LPA: variants seen among roughly 807,000 people sequenced by gnomAD.
LPA encodes lipoprotein(a), also known as apolipoprotein(a).
In LPA, 199 loss-of-function variants were observed where a neutral mutation model predicts 197.9. The ratio of observed to expected loss-of-function variants is 1.01; its 90% confidence interval spans 0.90 to 1.13. LPA has a LOEUF of 1.13. Ranked by LOEUF, LPA falls within the 50% of genes most tolerant of loss-of-function variation. LPA has a pLI of 0.00. For synonymous variants in LPA, 715 were observed against 639.5 expected (o/e 1.12, Z -1.78); for missense variants, 1,853 against 1,785.8 (o/e 1.04, Z -0.68).
chr6:160,611,619 G>A lies in LPA; in HGVS notation c.2546C>T (p.Ala849Val), dbSNP rs200407077. 2.5e-4 allele frequency: 399 copies of A among 1,597,698 alleles called. 6 individuals are homozygous for A. The highest frequency in any genetic ancestry group is 3.2e-4 in the Non-Finnish European group (379 of 1,176,732). The change falls in exon 16 of 39, where the codon GCT becomes GTT. Residue 849 changes from alanine (A) to valine (V), a missense_variant. Around this residue, in one of 3 missense-constraint regions of LPA, gnomAD observed 1,737 missense variants for 1,504.4 expected, o/e 1.15. Transcript: ENST00000316300. ...STTVTGRTCQ[A>V]WSSMTPHSHS... ...CGAGTGTGGTGTCATAGATGACCAA[G>A]CTTGGCAGGTTCTTCCAGTGACAGT...
chr6:160,607,667 G>A lies in LPA; in HGVS notation c.2604-1009C>T, dbSNP rs187463812. 2.0e-5 allele frequency among the ~76,000 whole-genome samples: 3 copies of A among 151,614 alleles called. 1 individual carries two copies. Among genetic ancestry groups the A allele is most frequent in the Admixed American group, 2.0e-4 (3 of 15,230 alleles). On this transcript the variant is annotated intron_variant, in intron 16 of 38. Transcript: ENST00000316300. ...GTGGCTGCCTGAGAAAATGGGAAAT[G>A]TATTACGGGCCATGGGGATGAAACA...
chr6:160,650,570 C>G (rs972936128), intron 1 of LPA, 73 bp from the exon 2 acceptor site: 1 of 1,470,958 alleles, frequency 6.8e-7, no homozygotes, highest in Non-Finnish European at 9.5e-7. Flanking sequence ...ATTTATGACA[C>G]AAACAGGAAA....
At chr6:160,542,998 C>A (rs1488178786) in intron 33 of LPA, among the ~76,000 whole-genome samples, 190 bp from the exon 34 acceptor site, 1 of 152,184 alleles carries the variant, frequency 6.6e-6, no homozygotes, top group Non-Finnish European at 1.5e-5. Flanking sequence ...AGGACACTCT[C>A]CTTTCAAGGA....
intron 7 of LPA, 114 bp from the exon 8 acceptor site, chr6:160,634,026 C>T: frequency 6.8e-7 from 1 of 1,470,664 alleles, no homozygotes; most frequent in Non-Finnish European, 9.3e-7. Context: ...GTTATCTTTC[C>T]CTTACCTGTA....
At chr6:160,537,242 A>C (rs1270075002) in intron 37 of LPA, among the ~76,000 whole-genome samples, 1 of 152,186 alleles carries the variant, frequency 6.6e-6, no homozygotes, top group Non-Finnish European at 1.5e-5. Context: ...ATGCACAAAA[A>C]TATTCCCTCT....
chr6:160,648,656 A>G (rs1779949317), intron 2 of LPA, among the ~76,000 whole-genome samples: 1 of 151,288 alleles, frequency 6.6e-6, no homozygotes, highest in African/African-American at 2.4e-5. Context: ...CTATGCAATT[A>G]TTTTTCATTT....
At chr6:160,576,965 A>G (rs1016739814) in intron 28 of LPA, among the ~76,000 whole-genome samples, 171 bp downstream of exon 28, 2 of 152,114 alleles carry the variant, frequency 1.3e-5, no homozygotes, top group African/African-American at 2.4e-5. Context: ...TAGCAGGCCT[A>G]AAATTTCTCT....
chr6:160,609,217 A>C (rs1200493426), intron 16 of LPA, among the ~76,000 whole-genome samples: 4 of 151,978 alleles, frequency 2.6e-5, no homozygotes, highest in East Asian at 3.9e-4. Flanking sequence ...AAAGTCTTAC[A>C]CTTTCCAGTT....
intron 18 of LPA, among the ~76,000 whole-genome samples, chr6:160,602,731 A>G (rs1407964238): frequency 6.6e-6 from 1 of 152,238 alleles, no homozygotes; most frequent in African/African-American, 2.4e-5. Context: ...ATATGCATTT[A>G]TCCAACATGG....
intron 2 of LPA, among the ~76,000 whole-genome samples, chr6:160,646,854 C>G (rs1195142777): frequency 1.3e-5 from 2 of 150,862 alleles, no homozygotes; most frequent in Non-Finnish European, 2.9e-5. Context: ...TTGCAACGAA[C>G]ATGTAGTTCT....
At chr6:160,589,480 C>T (rs551602116) in intron 24 of LPA, 73 bp downstream of exon 24, 1 of 1,574,756 alleles carries the variant, frequency 6.4e-7, no homozygotes, top group Non-Finnish European at 8.7e-7. Flanking sequence ...AAGAAGTTAG[C>T]TGGAAGCATG....
At chr6:160,576,394 A>ATATATATATATATATATGTG (rs1778673603) in intron 28 of LPA, among the ~76,000 whole-genome samples, 2 of 53,754 alleles carry the variant, frequency 3.7e-5, no homozygotes, top group Admixed American at 3.1e-4. Context: ...ATATATGTAT[A>ATATATATATATATATATGTG]TATATATATA....
chr6:160,585,125 T>C lies in LPA; in HGVS notation c.4210A>G (p.Ile1404Val), dbSNP rs1255326656. ...QSYRGTLSTTITGRTCQSWSS... is the reference protein window; with the variant it reads ...QSYRGTLSTTVTGRTCQSWSS... ...CAAGACTGACATGTTCTTCCTGTGA[T>C]AGTGGTGGAGAGTGTGCCTCGATAA... Residue 1404 changes from isoleucine (I) to valine (V), a missense_variant, in exon 26 of 39, where the codon ATC becomes GTC. Ile to Val is a conservative substitution (Grantham distance 29). Around this residue, in one of 3 missense-constraint regions of LPA, gnomAD observed 1,737 missense variants for 1,504.4 expected, o/e 1.15. Transcript: ENST00000316300. 2 of 1,613,876 alleles carry C rather than the reference T, an allele frequency of 1.2e-6. No homozygotes were observed.
At chr6:160,584,982 T>C in intron 26 of LPA, 64 bp downstream of exon 26, 1 of 1,546,252 alleles carries the variant, frequency 6.5e-7, no homozygotes. Context: ...GCTTGTAGCA[T>C]GGGCCAGCTA....
At chr6:160,563,172 T>C (rs1778391394) in intron 28 of LPA, among the ~76,000 whole-genome samples, 1 of 152,238 alleles carries the variant, frequency 6.6e-6, no homozygotes, top group Non-Finnish European at 1.5e-5. Context: ...GTGTTGATTT[T>C]AGATCTTTCC....
intron 25 of LPA, among the ~76,000 whole-genome samples, 162 bp from the exon 26 acceptor site, chr6:160,585,367 G>A (rs1210631133): frequency 6.6e-6 from 1 of 152,052 alleles, no homozygotes; most frequent in African/African-American, 2.4e-5. Context: ...TAGACTTATA[G>A]GATTCTAGAA....
intron 21 of LPA, among the ~76,000 whole-genome samples, chr6:160,595,079 C>G (rs1237776280): frequency 3.3e-5 from 5 of 152,172 alleles, no homozygotes; most frequent in African/African-American, 1.2e-4. Context: ...GGCTAAGACA[C>G]TAAAATGATC....
intron 36 of LPA, 93 bp downstream of exon 36, chr6:160,539,950 C>T: frequency 1.3e-6 from 2 of 1,535,680 alleles, no homozygotes; most frequent in Non-Finnish European, 1.8e-6. Context: ...ACAGTTCCTC[C>T]CCACTGCCAT....
intron 30 of LPA, among the ~76,000 whole-genome samples, chr6:160,553,963 G>GCACA (rs1554231718): frequency 6.7e-6 from 1 of 150,004 alleles, no homozygotes; most frequent in East Asian, 1.9e-4. Context: ...GTGCGCGCGC[G>GCACA]CGCGTGTGCG....
Sources: allele counts gnomAD v4.1 joint callset (sites outside exome capture counted in the v4.1 genomes callset), GRCh38; gene constraint gnomAD v4.1.1; regional missense constraint gnomAD v4.1.1; transcripts MANE v1.5; gene names NCBI Gene and HGNC (gene_info 2026-07-23, HGNC 2026-07-21).